NUMB: variants seen among roughly 807,000 people sequenced by gnomAD.
NUMB encodes protein numb homolog.
NUMB carries 29 observed loss-of-function variants against 59.7 expected under a neutral mutation model. That is an observed-to-expected ratio of 0.49 (90% CI 0.36 to 0.66). The LOEUF (loss-of-function observed/expected upper bound fraction) is 0.66. Among genes scored for constraint, NUMB ranks in the 30% least tolerant of loss-of-function variants. The pLI is 0.00. For missense variants in NUMB, 723 were observed against 822.0 expected, an observed-to-expected ratio of 0.88 and a Z score of 1.47; for synonymous variants, 288 against 288.2, an observed-to-expected ratio of 1.00 and a Z score of 0.01.
intron 5 of NUMB, among the ~76,000 whole-genome samples, chr14:73,318,764 C>T (rs537957841): frequency 1.3e-5 from 2 of 152,268 alleles, no homozygotes; most frequent in East Asian, 3.9e-4. Flanking sequence ...CTGTCAATAA[C>T]TTTATGCCCA....
At chr14:73,444,581 T>TATAC (rs965610791) in intron 1 of NUMB, among the ~76,000 whole-genome samples, 2 of 152,122 alleles carry the variant, frequency 1.3e-5, no homozygotes, top group Admixed American at 6.5e-5. Flanking sequence ...TGAAACTATA[T>TATAC]ATACATACAT....
chr14:73,297,395 G>T, intron 6 of NUMB, 110 bp from the exon 7 acceptor site: 1 of 715,172 alleles, frequency 1.4e-6, no homozygotes, highest in Non-Finnish European at 2.4e-6. Flanking sequence ...CACAAGTACA[G>T]ATGGAGTCCA....
chr14:73,322,172 G>C (rs1891438927), intron 5 of NUMB, among the ~76,000 whole-genome samples: 1 of 152,178 alleles, frequency 6.6e-6, no homozygotes, highest in Non-Finnish European at 1.5e-5. Flanking sequence ...CAGAAGTAAT[G>C]CTTAAAGCTT....
At chr14:73,389,291 A>AAC (rs1895720970) in intron 2 of NUMB, among the ~76,000 whole-genome samples, 3 of 98,042 alleles carry the variant, frequency 3.1e-5, no homozygotes, top group African/African-American at 1.3e-4. Flanking sequence ...AAAAAAAAAA[A>AAC]AACAAAAACA....
chr14:73,350,078 T>TAC (rs71112732), intron 4 of NUMB, among the ~76,000 whole-genome samples: 30,666 of 137,598 alleles, frequency 0.22, 3,344 homozygotes, highest in Non-Finnish European at 0.26. Flanking sequence ...CATACATACA[T>TAC]ACACACACAC....
At chr14:73,428,742 T>C (rs1897693377) in intron 1 of NUMB, among the ~76,000 whole-genome samples, 1 of 151,932 alleles carries the variant, frequency 6.6e-6, no homozygotes, top group Non-Finnish European at 1.5e-5. Context: ...AGCTCAGGAG[T>C]TCAAGGCTGC....
chr14:73,322,196 G>C (rs558256214), intron 5 of NUMB, among the ~76,000 whole-genome samples: 1 of 152,276 alleles, frequency 6.6e-6, no homozygotes, highest in South Asian at 2.1e-4. Flanking sequence ...CAGCAAAGTG[G>C]GGAAAGGCCA....
intron 1 of NUMB, among the ~76,000 whole-genome samples, chr14:73,414,972 G>A (rs147284902): frequency 7.2e-5 from 11 of 152,056 alleles, no homozygotes; most frequent in Non-Finnish European, 1.2e-4. Flanking sequence ...TGCCTGCCTC[G>A]GCCTCCCAAA....
intron 2 of NUMB, among the ~76,000 whole-genome samples, chr14:73,394,471 G>A (rs1238463851): frequency 5.9e-5 from 9 of 151,436 alleles, no homozygotes; most frequent in African/African-American, 2.2e-4. Flanking sequence ...GTGCAGTGGT[G>A]TGACAAAGCT....
intron 2 of NUMB, among the ~76,000 whole-genome samples, chr14:73,393,182 T>C (rs2140101843): frequency 6.6e-6 from 1 of 152,342 alleles, no homozygotes; most frequent in Admixed American, 6.5e-5. Flanking sequence ...CATTTAATCC[T>C]GATAATAATC....
chr14:73,306,019 A>G (rs1477640999), intron 6 of NUMB, among the ~76,000 whole-genome samples: 1 of 152,250 alleles, frequency 6.6e-6, no homozygotes, highest in Non-Finnish European at 1.5e-5. Flanking sequence ...GGTGTAATCA[A>G]TAAATTTTGT....
At chr14:73,440,827 CAAAAAAAAAAA>C (rs397713746) in intron 1 of NUMB, among the ~76,000 whole-genome samples, 3 of 47,820 alleles carry the variant, frequency 6.3e-5, no homozygotes, top group Non-Finnish European at 8.6e-5. Context: ...GACTCCGTCT[CAAAAAAAAAAA>C]AAAAAAAAAA....
At chr14:73,431,110 C>T (rs1897807751) in intron 1 of NUMB, among the ~76,000 whole-genome samples, 1 of 151,758 alleles carries the variant, frequency 6.6e-6, no homozygotes, top group Admixed American at 6.6e-5. Context: ...GAGTGCACCA[C>T]CACATCCAGC....
At chr14:73,451,228 G>A (rs867772347) in intron 1 of NUMB, among the ~76,000 whole-genome samples, 8 of 150,014 alleles carry the variant, frequency 5.3e-5, no homozygotes, top group African/African-American at 1.7e-4. Flanking sequence ...ACGAGGTCAG[G>A]AGTTCAATAC....
At chr14:73,416,701 T>C (rs1355713118) in intron 1 of NUMB, among the ~76,000 whole-genome samples, 2 of 152,032 alleles carry the variant, frequency 1.3e-5, no homozygotes, top group East Asian at 3.9e-4. Context: ...ATTAGCCAGG[T>C]GTGGTGGCAC....
chr14:73,346,152 T>C (rs1318676110), intron 4 of NUMB, among the ~76,000 whole-genome samples: 1 of 152,092 alleles, frequency 6.6e-6, no homozygotes, highest in East Asian at 1.9e-4. Context: ...TAATATTTCA[T>C]TTGTTACATT....
chr14:73,378,032 C>T (rs531047970), intron 2 of NUMB, among the ~76,000 whole-genome samples: 222 of 151,646 alleles, frequency 1.5e-3, no homozygotes, highest in African/African-American at 5.1e-3. Flanking sequence ...CACACACACA[C>T]ACACATACCA....
intron 4 of NUMB, among the ~76,000 whole-genome samples, chr14:73,354,406 G>A (rs1362862449): frequency 2.0e-5 from 3 of 151,462 alleles, no homozygotes; most frequent in Non-Finnish European, 4.4e-5. Context: ...AGATACTTGG[G>A]AGGCTGAGAC....
chr14:73,314,085 T>C (rs1247027770), intron 6 of NUMB, among the ~76,000 whole-genome samples: 1 of 152,136 alleles, frequency 6.6e-6, no homozygotes, highest in South Asian at 2.1e-4. Context: ...AGTAATTGAT[T>C]AGAAATAAAA....
Sources: gnomAD v4.1 joint callset for allele counts (sites outside exome capture counted in the v4.1 genomes callset) on GRCh38, gnomAD v4.1.1 for gene constraint, MANE v1.5 for transcripts, NCBI Gene and HGNC (gene_info 2026-07-23, HGNC 2026-07-21) for gene names.